The following FAM174B variants were observed in gnomAD, a reference collection of about 807,000 sequenced individuals.
FAM174B encodes the protein family with sequence similarity 174 member B.
In FAM174B, 12 loss-of-function variants were observed where a neutral mutation model predicts 10.9. That is an observed-to-expected ratio of 1.10 (90% CI 0.71 to 1.79). The LOEUF is 1.79. Among genes scored for constraint, FAM174B ranks in the 40% most tolerant of loss-of-function variants. The probability of loss-of-function intolerance (pLI) is 0.00; values close to 1 mark genes in which losing one functional copy is unlikely to be tolerated. For missense variants in FAM174B, 266 were observed against 233.3 expected, an observed-to-expected ratio of 1.14 and a Z score of -0.91; for synonymous variants, 132 against 115.8, an observed-to-expected ratio of 1.14 and a Z score of -0.90.
chr15:92,620,776 C>G (rs2050714011), intron 2 of FAM174B, among the ~76,000 whole-genome samples: 1 of 133,408 alleles, frequency 7.5e-6, no homozygotes, highest in Non-Finnish European at 1.5e-5. Flanking sequence ...GATGGCGCCA[C>G]TGCACTCCAG....
At chr15:92,634,995 T>A (rs1457614367) in intron 1 of FAM174B, among the ~76,000 whole-genome samples, 1 of 152,204 alleles carries the variant, frequency 6.6e-6, no homozygotes, top group Non-Finnish European at 1.5e-5. Flanking sequence ...GCATTTAGGC[T>A]GGACCTTATA....
intron 2 of FAM174B, among the ~76,000 whole-genome samples, chr15:92,621,421 G>A (rs946632596): frequency 6.6e-6 from 1 of 152,094 alleles, no homozygotes; most frequent in Admixed American, 6.6e-5. Context: ...AGACCAGCCT[G>A]GGCAACATAC....
chr15:92,632,681 G>GTT (rs59050481), intron 1 of FAM174B, among the ~76,000 whole-genome samples: 2 of 146,354 alleles, frequency 1.4e-5, no homozygotes, highest in Non-Finnish European at 3.0e-5. Context: ...TGGCTGGGTT[G>GTT]TTTTTTTTTT....
rs184437840 is a variant in FAM174B at position 92,632,858 on chromosome 15, T to A, written c.345-2513A>T. 3.4e-3 allele frequency among the ~76,000 whole-genome samples: 518 copies of A among 152,002 alleles called. 1 individual carries two copies. Among genetic ancestry groups the A allele is most frequent in the Middle Eastern group, 0.014 (4 of 294 alleles). On this transcript the variant is annotated intron_variant, in intron 1 of 2. Coordinates refer to ENST00000327355, the MANE Select transcript of FAM174B (RefSeq NM_207446.3). ...TTTTTACCTTTAGGATGGTAGAGGG[T>A]CACTGTGGGCTGCAGGGAAAGCACT... is the stretch of plus-strand genomic sequence containing the variant.
chr15:92,644,041 C>T (rs2050909464), intron 1 of FAM174B, among the ~76,000 whole-genome samples: 1 of 152,172 alleles, frequency 6.6e-6, no homozygotes, highest in African/African-American at 2.4e-5. Context: ...ACCCTCTGAG[C>T]TCTACGCTGC....
intron 1 of FAM174B, among the ~76,000 whole-genome samples, chr15:92,648,126 A>T (rs1040567729): frequency 1.3e-5 from 2 of 152,176 alleles, no homozygotes; most frequent in African/African-American, 4.8e-5. Context: ...AACCATCCAT[A>T]TATTGATTCA....
chr15:92,630,403 C>T (rs2050784715), intron 1 of FAM174B, 58 bp from the exon 2 acceptor site: 5 of 1,530,308 alleles, frequency 3.3e-6, no homozygotes, highest in South Asian at 1.2e-5. Flanking sequence ...AGTCACTGGG[C>T]CCCAAGCCCC....
intron 2 of FAM174B, among the ~76,000 whole-genome samples, chr15:92,629,802 AGGGCT>A (rs1444513379): frequency 6.6e-6 from 1 of 152,138 alleles, no homozygotes; most frequent in Non-Finnish European, 1.5e-5. Context: ...ACTGAATCAC[AGGGCT>A]GGGCCTTCCC....
intron 1 of FAM174B, among the ~76,000 whole-genome samples, chr15:92,649,705 C>T (rs1051833282): frequency 6.6e-6 from 1 of 152,208 alleles, no homozygotes; most frequent in Non-Finnish European, 1.5e-5. Flanking sequence ...CATCTCTCAA[C>T]TCTGGCACCC....
At chr15:92,623,636 T>TGTCA (rs1173737336) in intron 2 of FAM174B, among the ~76,000 whole-genome samples, 1 of 152,198 alleles carries the variant, frequency 6.6e-6, no homozygotes, top group Admixed American at 6.5e-5. Context: ...TTGCAGCACC[T>TGTCA]GTCAGTAGCG....
intron 1 of FAM174B, among the ~76,000 whole-genome samples, chr15:92,651,058 G>C (rs775574698): frequency 1.3e-5 from 2 of 152,222 alleles, no homozygotes; most frequent in Non-Finnish European, 2.9e-5. Context: ...ATTTGGAAGA[G>C]ACAGAGGCTC....
chr15:92,637,016 C>T (rs1374595902), intron 1 of FAM174B, among the ~76,000 whole-genome samples: 1 of 152,238 alleles, frequency 6.6e-6, no homozygotes, highest in African/African-American at 2.4e-5. Context: ...CGCCCACTTC[C>T]TCCCTCCTTT....
intron 1 of FAM174B, among the ~76,000 whole-genome samples, chr15:92,636,497 T>C (rs182071989): frequency 2.0e-5 from 3 of 152,310 alleles, no homozygotes; most frequent in Admixed American, 6.5e-5. Context: ...GCCATGTAGC[T>C]AATCAGTGGC....
intron 2 of FAM174B, among the ~76,000 whole-genome samples, chr15:92,622,843 G>C (rs1398620499): frequency 6.6e-6 from 1 of 152,202 alleles, no homozygotes; most frequent in Admixed American, 6.5e-5. Context: ...CTCTGTGAGA[G>C]GGCTTGCCAG....
chr15:92,619,376 G>C lies in FAM174B; in HGVS notation c.*80C>G. 6.4e-7 allele frequency: 1 copy of C among 1,558,792 alleles called. No homozygotes were observed. On this transcript the variant is annotated 3_prime_UTR_variant, in exon 3 of 3. Transcript: ENST00000327355. ...GTTTCAACACCTCCGACGCAAGAGG[G>C]CTTCCAGGTCCAGTCCTTCACACCC... is the stretch of plus-strand genomic sequence containing the variant.
intron 2 of FAM174B, among the ~76,000 whole-genome samples, chr15:92,626,705 G>A (rs1300933593): frequency 6.6e-6 from 1 of 152,166 alleles, no homozygotes; most frequent in Non-Finnish European, 1.5e-5. Context: ...AATAGGGGCA[G>A]AGGAGACACT....
chr15:92,631,525 C>T (rs1314126616), intron 1 of FAM174B, among the ~76,000 whole-genome samples: 3 of 117,726 alleles, frequency 2.5e-5, no homozygotes, highest in Non-Finnish European at 4.9e-5. Flanking sequence ...GATGGAGTCT[C>T]GCTCTGTCAC....
intron 2 of FAM174B, among the ~76,000 whole-genome samples, chr15:92,628,561 T>C (rs1333508286): frequency 6.6e-6 from 1 of 152,088 alleles, no homozygotes; most frequent in Non-Finnish European, 1.5e-5. Flanking sequence ...CATTATTTTG[T>C]GGTATGAATA....
chr15:92,648,348 T>C (rs1481152928), intron 1 of FAM174B, among the ~76,000 whole-genome samples: 1 of 152,238 alleles, frequency 6.6e-6, no homozygotes, highest in African/African-American at 2.4e-5. Flanking sequence ...TTGAGCTGGA[T>C]GGTCCTTGAC....
Sources: gnomAD v4.1 joint callset for allele counts (sites outside exome capture counted in the v4.1 genomes callset) on GRCh38, gnomAD v4.1.1 for gene constraint, MANE v1.5 for transcripts, NCBI Gene and HGNC (gene_info 2026-07-23, HGNC 2026-07-21) for gene names.